AUTS2: variants seen among roughly 807,000 people sequenced by gnomAD.
The protein encoded by AUTS2 is autism susceptibility gene 2 protein.
A neutral mutation model predicts 112.4 loss-of-function variants in AUTS2; 17 were observed. The observed-to-expected ratio is 0.15, with a 90% CI of 0.10 to 0.23. AUTS2 has a LOEUF of 0.23. AUTS2 is among the 10% of genes least tolerant of loss of function. The pLI, the probability that AUTS2 is intolerant of heterozygous loss-of-function variation, is 1.00. For missense variants in AUTS2, 1,510 were observed against 1,701.6 expected (o/e 0.89, Z 1.98); for synonymous variants, 751 against 702.7 (o/e 1.07, Z -1.09).
intron 2 of AUTS2, among the ~76,000 whole-genome samples, chr7:70,068,167 A>AC (rs1563077121): frequency 6.8e-6 from 1 of 147,494 alleles, no homozygotes; most frequent in Non-Finnish European, 1.5e-5. Flanking sequence ...ACATAAGTAG[A>AC]TTTTTTTTTT....
chr7:70,587,569 G>A (rs1346659350), intron 5 of AUTS2, among the ~76,000 whole-genome samples: 1 of 152,170 alleles, frequency 6.6e-6, no homozygotes, highest in Non-Finnish European at 1.5e-5. Context: ...AGTGATTCCT[G>A]TAAGCTCCTT....
chr7:70,210,847 A>G (rs1448606160), intron 4 of AUTS2, among the ~76,000 whole-genome samples: 1 of 152,162 alleles, frequency 6.6e-6, no homozygotes, highest in African/African-American at 2.4e-5. Flanking sequence ...TTCCCATTGT[A>G]TGCATCGTTG....
intron 10 of AUTS2, among the ~76,000 whole-genome samples, chr7:70,770,503 G>C (rs1340455711): frequency 6.6e-6 from 1 of 152,230 alleles, no homozygotes; most frequent in Non-Finnish European, 1.5e-5. Flanking sequence ...ATGGTGGCTT[G>C]ATAAATGGAA....
chr7:70,766,976 T>C lies in AUTS2; in HGVS notation c.1689+642T>C, dbSNP rs963794349. Reference sequence around the variant, plus strand: ...ACCACTGGCCATGACATGGTCTTGCTTTAACTGGGGGCTAGCACATGTCCA... The same window carrying C: ...ACCACTGGCCATGACATGGTCTTGCCTTAACTGGGGGCTAGCACATGTCCA... On this transcript the variant is annotated intron_variant, in intron 9 of 18. Transcript: ENST00000342771. This position sits in a 1 kb window ranked among gnomAD's most constrained non-coding sequence, Gnocchi z 4.8. 2.0e-5 allele frequency among the ~76,000 whole-genome samples: 3 copies of C among 152,228 alleles called. No individual in the cohort carries two copies. The highest frequency in any genetic ancestry group is 7.2e-5 in the African/African-American group (3 of 41,464).
chr7:69,613,850 CT>C (rs967220075), intron 1 of AUTS2, among the ~76,000 whole-genome samples: 1 of 152,100 alleles, frequency 6.6e-6, no homozygotes, highest in Non-Finnish European at 1.5e-5. Context: ...CTAAATAGCT[CT>C]TTTTGCTTTT....
At chr7:70,208,170 G>A (rs1457669075) in intron 4 of AUTS2, among the ~76,000 whole-genome samples, 1 of 152,124 alleles carries the variant, frequency 6.6e-6, no homozygotes, top group Non-Finnish European at 1.5e-5. Flanking sequence ...TATTTAAGGA[G>A]TGGTCATTAA....
At chr7:70,144,192 T>C (rs1807005089) in intron 4 of AUTS2, among the ~76,000 whole-genome samples, 1 of 152,100 alleles carries the variant, frequency 6.6e-6, no homozygotes, top group Admixed American at 6.6e-5. Context: ...TAACTTACTT[T>C]TTCCTACCTT....
intron 4 of AUTS2, among the ~76,000 whole-genome samples, chr7:70,333,925 C>T (rs183431266): frequency 4.6e-5 from 7 of 152,208 alleles, no homozygotes; most frequent in African/African-American, 1.7e-4. Flanking sequence ...CCTGCAGGTT[C>T]TGCAAATGTA....
chr7:69,915,103 C>G (rs937366972), intron 2 of AUTS2, among the ~76,000 whole-genome samples: 8 of 152,176 alleles, frequency 5.3e-5, no homozygotes, highest in Middle Eastern at 3.4e-3. Context: ...TCATGGAGAG[C>G]TCTTAACAAC....
At chr7:70,729,129 C>T (rs1301439438) in intron 6 of AUTS2, 2 of 456,318 alleles carry the variant, frequency 4.4e-6, no homozygotes, top group South Asian at 1.6e-5. Context: ...GACGGCCACA[C>T]CCTCCATCAC....
In AUTS2 at chr7:70,009,479, G is replaced by C. The variant is rs1584570416; in HGVS notation, c.523-108653G>C. On this transcript the variant is annotated intron_variant, in intron 2 of 18. Coordinates refer to ENST00000342771, the MANE Select transcript of AUTS2 (RefSeq NM_015570.4). ...ATAATATTGGTTAAAATAGAAGTGG[G>C]CTGTATTCTTTTGCCATTGCAGCAA... 2.6e-5 allele frequency among the ~76,000 whole-genome samples: 4 copies of C among 152,314 alleles called. No homozygotes were observed. The East Asian group carries it at 7.7e-4, about 29-fold the overall frequency.
At chr7:69,613,833 G>A (rs1018732899) in intron 1 of AUTS2, among the ~76,000 whole-genome samples, 24 of 152,248 alleles carry the variant, frequency 1.6e-4, no homozygotes, top group African/African-American at 5.5e-4. Flanking sequence ...TCTGGTAAAA[G>A]ACCACACTAA....
intron 5 of AUTS2, among the ~76,000 whole-genome samples, chr7:70,508,325 G>A (rs1799051740): frequency 6.6e-6 from 1 of 152,126 alleles, no homozygotes; most frequent in Admixed American, 6.5e-5. Context: ...AAGGGAGGGT[G>A]CAGAATAGTA....
chr7:70,488,132 A>G (rs1798088318), intron 5 of AUTS2, among the ~76,000 whole-genome samples: 1 of 152,220 alleles, frequency 6.6e-6, no homozygotes, highest in Non-Finnish European at 1.5e-5. Context: ...TGTGCAAGGC[A>G]AGGAGGCCAG....
intron 2 of AUTS2, among the ~76,000 whole-genome samples, chr7:69,968,807 TA>T (rs1022608503): frequency 9.9e-5 from 15 of 151,254 alleles, no homozygotes; most frequent in East Asian, 5.8e-4. Context: ...TCACCTAGTT[TA>T]AAAAAAAAGT....
intron 5 of AUTS2, among the ~76,000 whole-genome samples, chr7:70,640,707 C>T (rs1805782784): frequency 6.6e-6 from 1 of 152,098 alleles, no homozygotes; most frequent in Non-Finnish European, 1.5e-5. Context: ...GGGCCTAGAA[C>T]AGTAACACAC....
chr7:70,348,622 G>A (rs1791605548), intron 4 of AUTS2, among the ~76,000 whole-genome samples: 13 of 151,978 alleles, frequency 8.6e-5, no homozygotes, highest in Admixed American at 8.5e-4. Context: ...GGCTAACACG[G>A]TGAAACCCCG....
chr7:70,220,148 A>G (rs1298107731), intron 4 of AUTS2, among the ~76,000 whole-genome samples: 1 of 152,228 alleles, frequency 6.6e-6, no homozygotes, highest in Admixed American at 6.5e-5. Flanking sequence ...ATAACGCAAA[A>G]ATAAATGTGG....
chr7:70,360,878 C>T (rs536446834), intron 4 of AUTS2, among the ~76,000 whole-genome samples: 2 of 152,166 alleles, frequency 1.3e-5, no homozygotes, highest in Non-Finnish European at 2.9e-5. Context: ...TTAGGACATG[C>T]CGTGAATTTG....
Sources: allele counts gnomAD v4.1 joint callset (sites outside exome capture counted in the v4.1 genomes callset), GRCh38; gene constraint gnomAD v4.1.1; non-coding constraint Gnocchi (gnomAD v3.1); transcripts MANE v1.5; gene names NCBI Gene and HGNC (gene_info 2026-07-23, HGNC 2026-07-21).